The following MAML2 variants were observed in gnomAD, a reference collection of about 807,000 sequenced individuals.
MAML2 encodes mastermind-like protein 2.
Under a neutral mutation model 96.1 loss-of-function variants are expected in MAML2, and 22 were observed. The observed-to-expected ratio is 0.23, with a 90% CI of 0.16 to 0.33. MAML2 has a LOEUF of 0.33. MAML2 is among the 10% of genes least tolerant of loss of function. MAML2 has a pLI of 1.00. For synonymous variants in MAML2, 561 were observed against 521.3 expected (o/e 1.08, Z -1.04); for missense variants, 1,367 against 1,392.4 (o/e 0.98, Z 0.29).
intron 1 of MAML2, among the ~76,000 whole-genome samples, chr11:96,206,073 C>CT (rs879381589): frequency 0.018 from 2,460 of 140,046 alleles, 68 homozygotes; most frequent in African/African-American, 0.059. Context: ...TTGATTGACT[C>CT]TTTTTTTTTT....
At chr11:96,279,028 AAGTG>A (rs1483890610) in intron 1 of MAML2, among the ~76,000 whole-genome samples, 1 of 152,186 alleles carries the variant, frequency 6.6e-6, no homozygotes, top group Non-Finnish European at 1.5e-5. Context: ...TAGAACTGAA[AAGTG>A]AGTGAGAGGG....
chr11:96,105,945 G>A (rs1236507420), intron 1 of MAML2, among the ~76,000 whole-genome samples: 1 of 151,644 alleles, frequency 6.6e-6, no homozygotes, highest in East Asian at 1.9e-4. Context: ...AATTTGTAAT[G>A]GCTGATAGAA....
chr11:96,202,732 A>C (rs1312093923), intron 1 of MAML2, among the ~76,000 whole-genome samples: 1 of 151,662 alleles, frequency 6.6e-6, no homozygotes, highest in Non-Finnish European at 1.5e-5. Flanking sequence ...GGTTCAAGCG[A>C]TTCTCCTGTC....
intron 1 of MAML2, among the ~76,000 whole-genome samples, chr11:96,303,716 T>C (rs1490714427): frequency 1.3e-5 from 2 of 152,166 alleles, no homozygotes; most frequent in Non-Finnish European, 2.9e-5. Context: ...CAAGAACAGA[T>C]TTAAGAAAAT....
At chr11:96,002,775 A>AGGATGATGAGGATGATGG (rs1858106682) in intron 2 of MAML2, among the ~76,000 whole-genome samples, 2 of 144,116 alleles carry the variant, frequency 1.4e-5, no homozygotes, top group Non-Finnish European at 3.0e-5. Context: ...GAGGATGATG[A>AGGATGATGAGGATGATGG]GGATGATGAG....
At position 96,198,480 on chromosome 11, in the gene MAML2, T is replaced by C. The variant is rs113912390; in HGVS notation, c.514-104963A>G. On this transcript the variant is annotated intron_variant, in intron 1 of 4. Transcript: ENST00000524717. ...TCCCTCATTTGTTCCTCAGATGATA[T>C]GGTCCATTCAAGTTTTGTAATCATC... Among the ~76,000 whole-genome samples the C allele has an allele frequency of 7.4e-3, 1,120 of 152,314 alleles. 14 individuals are homozygous for C. Among genetic ancestry groups the C allele is most frequent in the African/African-American group, 0.022 (929 of 41,566 alleles).
chr11:96,240,333 G>C (rs1862416254), intron 1 of MAML2, among the ~76,000 whole-genome samples: 1 of 151,766 alleles, frequency 6.6e-6, no homozygotes, highest in Non-Finnish European at 1.5e-5. Flanking sequence ...GGTGGATCAC[G>C]AGGTCAGGAG....
At chr11:96,331,801 G>A (rs1863857852) in intron 1 of MAML2, among the ~76,000 whole-genome samples, 1 of 140,366 alleles carries the variant, frequency 7.1e-6, no homozygotes, top group Non-Finnish European at 1.5e-5. Flanking sequence ...GTGGGCGAAA[G>A]AGTGAGACTC....
At chr11:96,222,090 G>C (rs1318897420) in intron 1 of MAML2, among the ~76,000 whole-genome samples, 4 of 152,066 alleles carry the variant, frequency 2.6e-5, no homozygotes, top group African/African-American at 9.7e-5. Context: ...ATGTTTCCAG[G>C]TAAGTCTTCA....
intron 2 of MAML2, among the ~76,000 whole-genome samples, chr11:96,030,539 C>T (rs1858596440): frequency 6.6e-6 from 1 of 152,094 alleles, no homozygotes; most frequent in Admixed American, 6.6e-5. Context: ...AACTGTTCAT[C>T]CAAATGGAAA....
At chr11:96,078,786 A>G (rs1438025404) in intron 2 of MAML2, among the ~76,000 whole-genome samples, 1 of 152,250 alleles carries the variant, frequency 6.6e-6, no homozygotes, top group Non-Finnish European at 1.5e-5. Context: ...GAGACCTGTC[A>G]GTAAATTATC....
In MAML2 at chr11:96,171,597, G is replaced by T. The variant is rs192052357; in HGVS notation, c.514-78080C>A. The stretch of plus-strand genomic sequence containing the variant: ...GACAGTGTTCCTTCTGGTTGTCAAT[G>T]CAGTCATGGGACTAATGAAACAGAA... On this transcript the variant is annotated intron_variant, in intron 1 of 4. Transcript: ENST00000524717. Among the ~76,000 whole-genome samples the T allele has an allele frequency of 3.5e-3, 537 of 152,328 alleles. 3 individuals are homozygous for T. Among genetic ancestry groups the T allele is most frequent in the Middle Eastern group, 0.01 (3 of 294 alleles).
chr11:96,141,439 C>T (rs1361110810), intron 1 of MAML2, among the ~76,000 whole-genome samples: 4 of 152,112 alleles, frequency 2.6e-5, no homozygotes, highest in African/African-American at 4.8e-5. Context: ...ACGTAAGAGG[C>T]CCCAGCTAGA....
chr11:95,990,522 T>C (rs570400838), intron 3 of MAML2, among the ~76,000 whole-genome samples: 22 of 152,332 alleles, frequency 1.4e-4, no homozygotes, highest in African/African-American at 5.1e-4. Context: ...AAATCATTTC[T>C]AGTAGTTACC....
intron 2 of MAML2, among the ~76,000 whole-genome samples, chr11:96,021,284 G>A (rs1858431532): frequency 6.6e-6 from 1 of 152,158 alleles, no homozygotes; most frequent in South Asian, 2.1e-4. Context: ...CCACCAGCAT[G>A]GCCTTACTCA....
At chr11:96,113,604 G>GAAAAAA (rs61518039) in intron 1 of MAML2, among the ~76,000 whole-genome samples, 1 of 139,198 alleles carries the variant, frequency 7.2e-6, no homozygotes. Context: ...CCCGTTGTTT[G>GAAAAAA]AAAAAAAAAA....
chr11:96,175,256 G>T (rs1275296048), intron 1 of MAML2, among the ~76,000 whole-genome samples: 2 of 152,192 alleles, frequency 1.3e-5, no homozygotes, highest in African/African-American at 4.8e-5. Context: ...TTGCAGTAGA[G>T]ATGCTATTCC....
chr11:96,065,791 C>A lies in MAML2; in HGVS notation c.2139+26101G>T, dbSNP rs896879070. Among the ~76,000 whole-genome samples, 5 of 152,132 alleles carry A rather than the reference C, an allele frequency of 3.3e-5. No homozygotes were observed. In the East Asian group the frequency reaches 9.6e-4, roughly 29 times the overall value. ...GAATTGACAAAGCCAGGATTTGAAC[C>A]AGAGCCCATCTGACTACAAAGCTGA... On this transcript the variant is annotated intron_variant, in intron 2 of 4. Coordinates refer to ENST00000524717, the MANE Select transcript of MAML2 (RefSeq NM_032427.4).
intron 4 of MAML2, among the ~76,000 whole-genome samples, 164 bp from the exon 5 acceptor site, chr11:95,980,127 G>C (rs572564566): frequency 4.7e-4 from 71 of 152,322 alleles, no homozygotes; most frequent in African/African-American, 1.7e-3. Context: ...CAGCTCTTAG[G>C]AGGAAGGAGC....
Sources: allele counts gnomAD v4.1 joint callset (sites outside exome capture counted in the v4.1 genomes callset), GRCh38; gene constraint gnomAD v4.1.1; transcripts MANE v1.5; gene names NCBI Gene and HGNC (gene_info 2026-07-23, HGNC 2026-07-21).